Variants in CLSTN1 observed in about 807,000 individuals in gnomAD.
The protein encoded by CLSTN1 is calsyntenin-1.
In CLSTN1, 28 loss-of-function variants were observed where a neutral mutation model predicts 108.3. The ratio of observed to expected loss-of-function variants is 0.26; its 90% confidence interval spans 0.19 to 0.35. The LOEUF (loss-of-function observed/expected upper bound fraction) is 0.35. CLSTN1 is among the 10% of genes least tolerant of loss of function. The pLI, the probability that CLSTN1 is intolerant of heterozygous loss-of-function variation, is 1.00. For synonymous variants in CLSTN1, 524 were observed against 534.9 expected (o/e 0.98, Z 0.28); for missense variants, 1,157 against 1,302.6 (o/e 0.89, Z 1.72).
At chr1:9,783,819 CCT>C (rs755227907) in intron 1 of CLSTN1, among the ~76,000 whole-genome samples, 3 of 152,136 alleles carry the variant, frequency 2.0e-5, no homozygotes, top group Non-Finnish European at 2.9e-5. Flanking sequence ...ATGGTGAAAC[CCT>C]GTCTCTACTA....
intron 1 of CLSTN1, among the ~76,000 whole-genome samples, chr1:9,816,581 T>TTTTG (rs1194595294): frequency 1.3e-4 from 2 of 15,056 alleles, no homozygotes; most frequent in African/African-American, 1.6e-4. Flanking sequence ...AGGTGGGTTT[T>TTTTG]TTTGTTTGTT....
chr1:9,757,979 C>T (rs1469800738), intron 2 of CLSTN1, among the ~76,000 whole-genome samples: 2 of 149,912 alleles, frequency 1.3e-5, no homozygotes, highest in East Asian at 4.0e-4. Context: ...TATCACATGG[C>T]ATGCAGTTTT....
intron 1 of CLSTN1, among the ~76,000 whole-genome samples, chr1:9,799,387 A>C (rs1304509478): frequency 6.6e-5 from 10 of 152,038 alleles, no homozygotes; most frequent in African/African-American, 1.9e-4. Flanking sequence ...CACGCCTATA[A>C]TCTCAGCACT....
Position 9,731,879 on chromosome 1 carries a change from C to T in CLSTN1, c.2445G>A (p.Thr815=), listed in dbSNP as rs200208951. The T allele has an allele frequency of 7.8e-5, 126 of 1,614,044 alleles. No individual in the cohort carries two copies. In the East Asian group the frequency reaches 1.9e-3, roughly 25 times the overall value. ...EFKVEVNVIH[T]ANPMEHANHM... ...GGTTGGCGTGTTCCATGGGGTTGGC[C>T]GTGTGGATTACATTCACCTATAGCA... Residue 815 remains threonine (T), a synonymous_variant, in exon 17 of 19, where the codon ACG becomes ACA. Transcript: ENST00000377298.
chr1:9,766,891 T>TCAA (rs1391693795), intron 2 of CLSTN1, among the ~76,000 whole-genome samples: 19 of 152,346 alleles, frequency 1.2e-4, no homozygotes, highest in African/African-American at 4.6e-4. Flanking sequence ...ACAAGGAGCT[T>TCAA]CAATGACTAA....
At chr1:9,819,307 A>C (rs1276192641) in intron 1 of CLSTN1, among the ~76,000 whole-genome samples, 3 of 152,162 alleles carry the variant, frequency 2.0e-5, no homozygotes, top group African/African-American at 7.2e-5. Context: ...AAAATAACTC[A>C]GTACTTTTTT....
intron 1 of CLSTN1, among the ~76,000 whole-genome samples, chr1:9,778,447 A>C (rs1653064228): frequency 6.6e-6 from 1 of 152,188 alleles, no homozygotes; most frequent in Non-Finnish European, 1.5e-5. Flanking sequence ...GGAGCTGGGA[A>C]TTCAAAAGAT....
chr1:9,803,529 G>A (rs886891212), intron 1 of CLSTN1, among the ~76,000 whole-genome samples: 1 of 152,190 alleles, frequency 6.6e-6, no homozygotes, highest in Non-Finnish European at 1.5e-5. Context: ...ACGGCCGGGC[G>A]CAGTGGCTCA....
At chr1:9,786,674 C>T in intron 1 of CLSTN1, among the ~76,000 whole-genome samples, 1 of 99,170 alleles carries the variant, frequency 1.0e-5, no homozygotes, top group South Asian at 3.9e-4. Context: ...AAAAAAAAAA[C>T]AAAGGTGAGA....
intron 11 of CLSTN1, among the ~76,000 whole-genome samples, chr1:9,736,552 C>T (rs1287730525): frequency 1.3e-5 from 2 of 152,186 alleles, no homozygotes; most frequent in African/African-American, 4.8e-5. Context: ...GGTGTTAAGT[C>T]CCATCCTTCC....
intron 2 of CLSTN1, among the ~76,000 whole-genome samples, chr1:9,761,869 G>A (rs1439573061): frequency 6.6e-6 from 1 of 152,184 alleles, no homozygotes; most frequent in Non-Finnish European, 1.5e-5. Flanking sequence ...TTAGCAAAAG[G>A]AAACTGATTG....
At chr1:9,771,826 C>T (rs1320759019) in intron 2 of CLSTN1, among the ~76,000 whole-genome samples, 5 of 152,036 alleles carry the variant, frequency 3.3e-5, no homozygotes, top group South Asian at 2.1e-4. Context: ...TGTGATGTGG[C>T]GCCTAAACAG....
upstream of CLSTN1, chr1:9,824,222 C>T (rs1233939312): frequency 6.7e-6 from 1 of 150,270 alleles, no homozygotes; most frequent in Non-Finnish European, 1.5e-5. The surrounding 1 kb of genome is among the most constrained non-coding windows in gnomAD (Gnocchi z 5.0). Context: ...TCCGAGCGGC[C>T]GGGAGGGGCC....
chr1:9,769,193 C>T (rs1438508951), intron 2 of CLSTN1, among the ~76,000 whole-genome samples: 1 of 151,600 alleles, frequency 6.6e-6, no homozygotes, highest in African/African-American at 2.4e-5. Context: ...AGGAGGGATA[C>T]GGCTGCAGGT....
chr1:9,779,038 AGAAG>A (rs1437253406), intron 1 of CLSTN1, among the ~76,000 whole-genome samples: 15 of 144,012 alleles, frequency 1.0e-4, no homozygotes, highest in African/African-American at 3.9e-4. Flanking sequence ...AAAAAAAAAA[AGAAG>A]AAGAAGAAGA....
At position 9,758,004 on chromosome 1, in the gene CLSTN1, T is replaced by TGG. The variant is rs368090735; in HGVS notation, c.215-1496_215-1495dup. Reference sequence around the variant, plus strand: ...CATGCAGTTTTTTGTTTGTTTGTTTTGGGGGGGGGTGGGAACGGAGTTTCA... The same window carrying TGG: ...CATGCAGTTTTTTGTTTGTTTGTTTTGGGGGGGGGGGTGGGAACGGAGTTTCA... On this transcript the variant is annotated intron_variant, in intron 2 of 18. Transcript: ENST00000377298. 2.2e-4 allele frequency among the ~76,000 whole-genome samples: 30 copies of TGG among 137,008 alleles called. No individual in the cohort carries two copies. In the East Asian group the frequency reaches 2.8e-3, roughly 13 times the overall value. 89.9% of individuals were successfully genotyped at this position (137,008 alleles called of 152,430 possible).
chr1:9,787,765 A>AC (rs1653563851), intron 1 of CLSTN1, among the ~76,000 whole-genome samples: 1 of 151,234 alleles, frequency 6.6e-6, no homozygotes, highest in East Asian at 2.0e-4. Context: ...TACCATCTTA[A>AC]CCATTTTTAA....
At chr1:9,749,399 TG>T in intron 7 of CLSTN1, 61 bp downstream of exon 7, 25 of 1,411,166 alleles carry the variant, frequency 1.8e-5, no homozygotes, top group Non-Finnish European at 2.3e-5. Flanking sequence ...TATTTCCAGT[TG>T]TAAAGGTCCC....
chr1:9,745,493 C>T (rs1051546247), intron 7 of CLSTN1, among the ~76,000 whole-genome samples: 1 of 151,768 alleles, frequency 6.6e-6, no homozygotes, highest in Admixed American at 6.6e-5. Context: ...CCTGTCAATA[C>T]AAAAAACACA....
Sources: allele counts gnomAD v4.1 joint callset (sites outside exome capture counted in the v4.1 genomes callset), GRCh38; gene constraint gnomAD v4.1.1; non-coding constraint Gnocchi (gnomAD v3.1); transcripts MANE v1.5; gene names NCBI Gene and HGNC (gene_info 2026-07-23, HGNC 2026-07-21).